The following PLEKHG6 variants were observed in gnomAD, a reference collection of about 807,000 sequenced individuals.
PLEKHG6 encodes the protein pleckstrin homology and RhoGEF domain containing G6.
PLEKHG6 carries 91 observed loss-of-function variants against 97.5 expected under a neutral mutation model. The observed-to-expected ratio is 0.93, with a 90% CI of 0.79 to 1.11. The LOEUF is 1.11. Among genes scored for constraint, PLEKHG6 ranks in the 50% most tolerant of loss-of-function variants. PLEKHG6 has a pLI of 0.00. For synonymous variants in PLEKHG6, 466 were observed against 425.5 expected (o/e 1.10, Z -1.17); for missense variants, 1,044 against 1,031.0 (o/e 1.01, Z -0.17).
At position 6,328,370 on chromosome 12, in the gene PLEKHG6, C is replaced by A; in HGVS notation, c.*225C>A. On this transcript the variant is annotated 3_prime_UTR_variant, in exon 16 of 16. Coordinates refer to ENST00000684764, the MANE Select transcript of PLEKHG6 (RefSeq NM_001384598.1). ...GAAAGTTGTGCATAAAAATGACTGC[C>A]CTGGCTGGGCATGGCTGCCTGTAAT... 5.8e-6 allele frequency: 3 copies of A among 521,344 alleles called. No individual in the cohort carries two copies. Among genetic ancestry groups the A allele is most frequent in the Non-Finnish European group, 1.0e-5 (3 of 293,908 alleles). 32.3% of individuals were successfully genotyped at this position (521,344 alleles called of 1,614,324 possible).
Position 6,315,042 on chromosome 12 carries a change from A to C in PLEKHG6, c.332A>C (p.His111Pro). 1 of 1,613,936 alleles carries C rather than the reference A, an allele frequency of 6.2e-7. No individual in the cohort carries two copies. The highest frequency in any genetic ancestry group is 1.3e-5 in the African/African-American group (1 of 75,052). The stretch of plus-strand genomic sequence containing the variant: ...GCCCATGAGCTGGAGGTGAGGCTGC[A>C]CACTTTCAGCATGTTTGGGATGCCC... Reference protein sequence around the residue: ...TKAHELEVRLHTFSMFGMPRL... With the variant: ...TKAHELEVRLPTFSMFGMPRL... Residue 111 changes from histidine to proline, a missense_variant, in exon 4 of 16, where the codon CAC becomes CCC. Transcript: ENST00000684764. The surrounding 1 kb of genome is among the most constrained non-coding windows in gnomAD (Gnocchi z 4.5).
Position 6,328,362 on chromosome 12 carries a change from A to G in PLEKHG6, c.*217A>G, listed in dbSNP as rs4149650. 6.2e-3 allele frequency: 3,287 copies of G among 527,500 alleles called. 86 individuals are homozygous for G. The highest frequency in any genetic ancestry group is 0.057 in the African/African-American group (2,945 of 51,768). The allele number at this position is 527,500 out of a possible 1,614,324, so 32.7% of individuals were successfully genotyped here. A position where few individuals can be genotyped will look rare whatever the true frequency, so the allele number is the denominator to read the frequency against. On this transcript the variant is annotated 3_prime_UTR_variant, in exon 16 of 16. Coordinates refer to ENST00000684764, the MANE Select transcript of PLEKHG6 (RefSeq NM_001384598.1). ...GCCCCACAGAAAGTTGTGCATAAAA[A>G]TGACTGCCCTGGCTGGGCATGGCTG...
chr12:6,320,520 G>C (rs1947668519), intron 13 of PLEKHG6, among the ~76,000 whole-genome samples: 1 of 152,056 alleles, frequency 6.6e-6, no homozygotes, highest in Admixed American at 6.5e-5. Flanking sequence ...CTCTTTCTCT[G>C]TCTTCCCATG....
chr12:6,317,268 T>A (rs1592026016), intron 7 of PLEKHG6, 35 bp from the exon 8 acceptor site: 1 of 1,388,740 alleles, frequency 7.2e-7, no homozygotes, highest in Non-Finnish European at 1.0e-6. Flanking sequence ...CTTCTCCCCA[T>A]GCCTGCTCCC....
At chr12:6,328,072 C>G (rs904107749) in intron 15 of PLEKHG6, 64 bp from the exon 16 acceptor site, 3 of 1,607,574 alleles carry the variant, frequency 1.9e-6, no homozygotes, top group African/African-American at 2.7e-5. Context: ...CTCCGCCTCA[C>G]TCTTCACCTG....
intron 10 of PLEKHG6, 110 bp from the exon 11 acceptor site, chr12:6,318,191 G>A (rs1947556745): frequency 3.2e-6 from 5 of 1,546,896 alleles, no homozygotes; most frequent in Non-Finnish European, 3.5e-6. Flanking sequence ...TAGCCCATGG[G>A]GGAAGGATAC....
rs200110593 is a variant in PLEKHG6 at position 6,328,118 on chromosome 12, C to T, written c.2364-18C>T. The stretch of plus-strand genomic sequence containing the variant: ...GTTGCCACTGAATGTCGCCTAACAC[C>T]CCCTCCTGTCTTTTCAGAGAGGTAT... On this transcript the variant is annotated intron_variant, in intron 15 of 15. Coordinates refer to ENST00000684764, the MANE Select transcript of PLEKHG6 (RefSeq NM_001384598.1). The T allele has an allele frequency of 3.7e-4, 590 of 1,613,912 alleles. 1 individual carries two copies. Among genetic ancestry groups the T allele is most frequent in the Non-Finnish European group, 4.7e-4 (556 of 1,179,914 alleles).
chr12:6,317,746 G>A, intron 9 of PLEKHG6, 50 bp downstream of exon 9: 1 of 1,601,582 alleles, frequency 6.2e-7, no homozygotes, highest in South Asian at 1.1e-5. Flanking sequence ...GACTGGGAGG[G>A]GGGTCTCTTT....
At chr12:6,325,055 A>T (rs548814793) in intron 13 of PLEKHG6, among the ~76,000 whole-genome samples, 95 of 152,306 alleles carry the variant, frequency 6.2e-4, no homozygotes, top group African/African-American at 2.0e-3. Flanking sequence ...TTTAACAAGG[A>T]TATGGCCATA....
chr12:6,327,479 T>TGGGGCCC lies in PLEKHG6; in HGVS notation c.1896_1897insGGGGCCC (p.Pro633GlyfsTer39). The TGGGGCCC allele has an allele frequency of 4.2e-5, 68 of 1,602,872 alleles. No homozygotes were observed. Among genetic ancestry groups the TGGGGCCC allele is most frequent in the Non-Finnish European group, 5.2e-5 (61 of 1,171,348 alleles). On this transcript the variant is annotated frameshift_variant, in exon 15 of 16. Transcript: ENST00000684764. LOFTEE classifies it high-confidence loss of function. Reference sequence around the variant, plus strand: ...TGGAACTCCGGGACATCCCTCTGCGTCCCCACCCTCCCGACCCCCAAGCTC... The same window carrying TGGGGCCC: ...TGGAACTCCGGGACATCCCTCTGCGTGGGGCCCCCCCACCCTCCCGACCCCCAAGCTC...
Position 6,312,313 on chromosome 12 carries a change from C to T in PLEKHG6, c.87C>T (p.Ala29=). The T allele has an allele frequency of 1.3e-6, 2 of 1,574,946 alleles. No individual in the cohort carries two copies. The highest frequency in any genetic ancestry group is 1.2e-5 in the South Asian group (1 of 84,978). ...RIETYGGRHR[A]SAQSTAGRLY... The stretch of plus-strand genomic sequence containing the variant: ...AGACTTATGGGGGCCGGCATCGAGC[C>T]TCTGCTCAGAGCACTGCTGGCAGAC... The change falls in exon 2 of 16, where the codon GCC becomes GCT. Residue 29 remains alanine (A), a synonymous_variant. Transcript: ENST00000684764.
rs1207008334 is a variant in PLEKHG6, at chr12:6,313,622, C to T, written c.139-7C>T. The T allele has an allele frequency of 6.2e-7, 1 of 1,613,836 alleles. No individual in the cohort carries two copies. The highest frequency in any genetic ancestry group is 2.2e-5 in the East Asian group (1 of 44,902). On this transcript the variant is annotated splice_polypyrimidine_tract_variant and splice_region_variant and intron_variant, in intron 2 of 15. Coordinates refer to ENST00000684764, the MANE Select transcript of PLEKHG6 (RefSeq NM_001384598.1). ...CACCCCCAGAACTTCCCCTGCTCCT[C>T]TCCCAGGATCCCAGTCGCCGACGCC...
chr12:6,327,479 T>TGGGCCCCCCCCCCCCCCCCCCCCCCC lies in PLEKHG6; in HGVS notation c.1896_1897insGGGCCCCCCCCCCCCCCCCCCCCCCC (p.Pro633GlyfsTer31). 6.2e-7 allele frequency: 1 copy of TGGGCCCCCCCCCCCCCCCCCCCCCCC among 1,603,268 alleles called. No individual in the cohort carries two copies. The highest frequency in any genetic ancestry group is 8.5e-7 in the Non-Finnish European group (1 of 1,171,714). On this transcript the variant is annotated frameshift_variant, in exon 15 of 16. Coordinates refer to ENST00000684764, the MANE Select transcript of PLEKHG6 (RefSeq NM_001384598.1). LOFTEE classifies it high-confidence loss of function. ...TGGAACTCCGGGACATCCCTCTGCG[T>TGGGCCCCCCCCCCCCCCCCCCCCCCC]CCCCACCCTCCCGACCCCCAAGCTC...
chr12:6,311,899 C>T (rs974588299), intron 1 of PLEKHG6, among the ~76,000 whole-genome samples: 2 of 152,162 alleles, frequency 1.3e-5, no homozygotes, highest in African/African-American at 4.8e-5. Context: ...AGTGCAGGAG[C>T]TTGTACCCCA....
Position 6,313,785 on chromosome 12 carries a change from G to A in PLEKHG6, c.294+1G>A. The A allele has an allele frequency of 1.3e-6, 2 of 1,567,770 alleles. No individual in the cohort carries two copies. Among genetic ancestry groups the A allele is most frequent in the Non-Finnish European group, 1.7e-6 (2 of 1,157,740 alleles). Reference sequence around the variant, plus strand: ...CCTGCTTCACTCCCCCAAACTCAAGGTAAGGGGGTCCCTCTCCTCCCATCC... The same window carrying A: ...CCTGCTTCACTCCCCCAAACTCAAGATAAGGGGGTCCCTCTCCTCCCATCC... On this transcript the variant is annotated splice_donor_variant, in intron 3 of 15. Transcript: ENST00000684764. LOFTEE classifies it high-confidence loss of function.
chr12:6,326,700 G>T, intron 14 of PLEKHG6, 127 bp downstream of exon 14: 1 of 909,532 alleles, frequency 1.1e-6, no homozygotes, highest in African/African-American at 1.7e-5. Flanking sequence ...GTAGGGCAGG[G>T]TAGGGAAGCT....
intron 13 of PLEKHG6, among the ~76,000 whole-genome samples, chr12:6,325,292 A>C (rs1223281646): frequency 1.3e-5 from 2 of 151,828 alleles, no homozygotes; most frequent in African/African-American, 4.8e-5. Context: ...GCCCTGTCCC[A>C]GCTCTGCTTC....
chr12:6,323,837 G>A (rs74059205), intron 13 of PLEKHG6, among the ~76,000 whole-genome samples: 1,743 of 152,336 alleles, frequency 0.011, 27 homozygotes, highest in African/African-American at 0.038. Context: ...TAGAAGAAAG[G>A]GGTGGTCTTT....
chr12:6,314,825 C>T (rs1472272126), intron 3 of PLEKHG6, among the ~76,000 whole-genome samples, 180 bp from the exon 4 acceptor site: 1 of 152,210 alleles, frequency 6.6e-6, no homozygotes, highest in African/African-American at 2.4e-5. Context: ...CTGGGGCCGA[C>T]CCCTGTTCTC....
Sources: gnomAD v4.1 joint callset for allele counts (sites outside exome capture counted in the v4.1 genomes callset) on GRCh38, gnomAD v4.1.1 for gene constraint, Gnocchi (gnomAD v3.1) non-coding constraint, MANE v1.5 for transcripts, NCBI Gene and HGNC (gene_info 2026-07-23, HGNC 2026-07-21) for gene names.